ZNF679: variants seen among roughly 807,000 people sequenced by gnomAD.
The protein encoded by ZNF679 is zinc finger protein 679, also known as hypothetical protein MGC42415.
In ZNF679, 10 loss-of-function variants were observed where a neutral mutation model predicts 13.4. That is an observed-to-expected ratio of 0.75 (90% CI 0.46 to 1.27). The LOEUF is 1.27. Among genes scored for constraint, ZNF679 ranks in the 50% most tolerant of loss-of-function variants. The pLI, the probability that ZNF679 is intolerant of heterozygous loss-of-function variation, is 0.00. For synonymous variants in ZNF679, 179 were observed against 162.5 expected (o/e 1.10, Z -0.77); for missense variants, 525 against 477.8 (o/e 1.10, Z -0.92).
At chr7:64,249,200 T>G (rs1306488779) in intron 2 of ZNF679, 44 bp downstream of exon 2, 2 of 1,613,986 alleles carry the variant, frequency 1.2e-6, no homozygotes, top group Non-Finnish European at 1.7e-6. Context: ...TGAGGGCTGG[T>G]TGGAACCGGC....
chr7:64,233,375 C>T (rs968615148), intron 1 of ZNF679, among the ~76,000 whole-genome samples: 11 of 151,942 alleles, frequency 7.2e-5, no homozygotes, highest in Non-Finnish European at 1.0e-4. Context: ...TCTTGTAGTC[C>T]TAGCTATTGG....
intron 1 of ZNF679, among the ~76,000 whole-genome samples, chr7:64,229,485 A>G (rs1787607000): frequency 1.3e-5 from 2 of 152,158 alleles, no homozygotes; most frequent in South Asian, 4.1e-4. Context: ...TGTGGTCTGC[A>G]TCCATATGTG....
chr7:64,256,270 T>C (rs976977705), intron 2 of ZNF679, among the ~76,000 whole-genome samples: 4 of 152,210 alleles, frequency 2.6e-5, no homozygotes, highest in African/African-American at 7.2e-5. Context: ...TATAGCTGCA[T>C]CATATTTCAT....
chr7:64,258,877 GTCT>G (rs1329668579), intron 2 of ZNF679, among the ~76,000 whole-genome samples: 20 of 149,766 alleles, frequency 1.3e-4, no homozygotes, highest in Admixed American at 9.4e-4. Context: ...ATATAGCATA[GTCT>G]TCTTTTTTTG....
intron 2 of ZNF679, among the ~76,000 whole-genome samples, chr7:64,254,291 A>G (rs1395778960): frequency 6.6e-6 from 1 of 151,742 alleles, no homozygotes; most frequent in South Asian, 2.1e-4. Context: ...AATTTTTTGT[A>G]TTTTTAGTAG....
chr7:64,235,078 T>C (rs1787690289), intron 1 of ZNF679, among the ~76,000 whole-genome samples: 1 of 152,196 alleles, frequency 6.6e-6, no homozygotes, highest in Non-Finnish European at 1.5e-5. Context: ...CCTCAGGTGA[T>C]ACACCTGCTT....
At chr7:64,248,589 A>T (rs1584231763) in intron 1 of ZNF679, among the ~76,000 whole-genome samples, 1 of 152,056 alleles carries the variant, frequency 6.6e-6, no homozygotes, top group African/African-American at 2.4e-5. Context: ...CATGAATTAC[A>T]ATTTGAGATG....
At chr7:64,238,643 C>G (rs1434028310) in intron 1 of ZNF679, among the ~76,000 whole-genome samples, 1 of 152,240 alleles carries the variant, frequency 6.6e-6, no homozygotes, top group South Asian at 2.1e-4. Flanking sequence ...CTGCCTTGGC[C>G]TCCCAAAGTG....
At chr7:64,238,128 A>G (rs1219770204) in intron 1 of ZNF679, among the ~76,000 whole-genome samples, 3 of 152,122 alleles carry the variant, frequency 2.0e-5, no homozygotes, top group African/African-American at 7.2e-5. Flanking sequence ...AACTTTGCTT[A>G]AGTTTTTATC....
chr7:64,248,306 C>T (rs994518613), intron 1 of ZNF679, among the ~76,000 whole-genome samples: 1 of 151,230 alleles, frequency 6.6e-6, no homozygotes, highest in Non-Finnish European at 1.5e-5. Context: ...TTTTTGAGAC[C>T]GAGTCTGGCT....
intron 1 of ZNF679, among the ~76,000 whole-genome samples, chr7:64,241,633 C>T (rs1434813634): frequency 1.3e-5 from 2 of 152,180 alleles, no homozygotes; most frequent in Non-Finnish European, 2.9e-5. Flanking sequence ...TTCACAATGC[C>T]TTCTGTAATA....
Position 64,266,079 on chromosome 7 carries a change from C to T in ZNF679, c.446C>T (p.Ser149Leu). The T allele has an allele frequency of 6.2e-7, 1 of 1,613,000 alleles. No homozygotes were observed. Among genetic ancestry groups the T allele is most frequent in the African/African-American group, 1.3e-5 (1 of 75,012 alleles). ...TGTAATGAAGTTAACCAATGTTTGT[C>T]AACTACCCAAAACAAAATATTTCAG... ...GGCNEVNQCL[S>L]TTQNKIFQTH... Residue 149 changes from serine (S) to leucine (L), a missense_variant, in exon 5 of 5, where the codon TCA becomes TTA. Ser to Leu is a moderately radical substitution (Grantham distance 145). Coordinates refer to ENST00000421025, the MANE Select transcript of ZNF679 (RefSeq NM_153363.3).
intron 1 of ZNF679, among the ~76,000 whole-genome samples, chr7:64,236,244 A>G (rs974093684): frequency 2.0e-5 from 3 of 151,926 alleles, no homozygotes; most frequent in Admixed American, 1.3e-4. Flanking sequence ...CAGCCTGGGC[A>G]ACAGGATGAG....
At chr7:64,243,009 T>C (rs1787818442) in intron 1 of ZNF679, among the ~76,000 whole-genome samples, 1 of 152,174 alleles carries the variant, frequency 6.6e-6, no homozygotes, top group African/African-American at 2.4e-5. Flanking sequence ...GTTTTGTCAA[T>C]GTGTGAGGGA....
intron 2 of ZNF679, among the ~76,000 whole-genome samples, chr7:64,251,207 A>G (rs1310315908): frequency 6.6e-6 from 1 of 152,140 alleles, no homozygotes. Flanking sequence ...TAATCCTAAC[A>G]CTTTGGAAGA....
intron 2 of ZNF679, among the ~76,000 whole-genome samples, chr7:64,258,331 T>C (rs1788030331): frequency 1.3e-5 from 2 of 152,162 alleles, no homozygotes; most frequent in African/African-American, 2.4e-5. Context: ...CCAGAGCATC[T>C]TATCTGAAAA....
chr7:64,246,716 CTG>C (rs542936670), intron 1 of ZNF679, among the ~76,000 whole-genome samples: 309 of 149,470 alleles, frequency 2.1e-3, no homozygotes, highest in African/African-American at 7.2e-3. Flanking sequence ...GAGCAGGACT[CTG>C]TCAAAAGAAA....
intron 1 of ZNF679, among the ~76,000 whole-genome samples, chr7:64,242,061 C>A (rs1787805914): frequency 6.6e-6 from 1 of 152,198 alleles, no homozygotes; most frequent in Non-Finnish European, 1.5e-5. Context: ...TGCATAACAG[C>A]CCGAACCCCA....
At chr7:64,259,372 T>C (rs1296675908) in intron 2 of ZNF679, among the ~76,000 whole-genome samples, 3 of 152,220 alleles carry the variant, frequency 2.0e-5, no homozygotes, top group Non-Finnish European at 4.4e-5. Context: ...GAAACACAGT[T>C]GTCTTTGGAT....
Sources: gnomAD v4.1 joint callset for allele counts (sites outside exome capture counted in the v4.1 genomes callset) on GRCh38, gnomAD v4.1.1 for gene constraint, MANE v1.5 for transcripts, NCBI Gene and HGNC (gene_info 2026-07-23, HGNC 2026-07-21) for gene names.